KCNAB1: variants seen among roughly 807,000 people sequenced by gnomAD.
KCNAB1 encodes the protein voltage-gated potassium channel subunit beta-1.
A neutral mutation model predicts 64.6 loss-of-function variants in KCNAB1; 35 were observed. The ratio of observed to expected loss-of-function variants is 0.54; its 90% confidence interval spans 0.41 to 0.72. The LOEUF is 0.72. Among genes scored for constraint, KCNAB1 ranks in the 30% least tolerant of loss-of-function variants. KCNAB1 has a pLI of 0.00. For synonymous variants in KCNAB1, 177 were observed against 183.8 expected (o/e 0.96, Z 0.30); for missense variants, 401 against 512.9 (o/e 0.78, Z 2.11).
At chr3:156,220,167 G>A (rs575804497) in intron 1 of KCNAB1, among the ~76,000 whole-genome samples, 4 of 152,184 alleles carry the variant, frequency 2.6e-5, no homozygotes, top group East Asian at 1.9e-4. Flanking sequence ...GAATAGTGCC[G>A]TAATAAATAT....
intron 1 of KCNAB1, among the ~76,000 whole-genome samples, chr3:156,148,920 TTA>T (rs1438079434): frequency 3.9e-5 from 6 of 152,226 alleles, no homozygotes; most frequent in African/African-American, 1.4e-4. Flanking sequence ...TTCTTTCTTT[TTA>T]TCTCACACAT....
chr3:156,487,519 A>G (rs565005595), intron 8 of KCNAB1, among the ~76,000 whole-genome samples: 3 of 152,320 alleles, frequency 2.0e-5, no homozygotes, highest in African/African-American at 7.2e-5. Context: ...AGCTCCAGTG[A>G]AGCCAATCAT....
intron 1 of KCNAB1, among the ~76,000 whole-genome samples, chr3:156,368,203 C>T (rs1726070172): frequency 1.3e-5 from 2 of 152,056 alleles, no homozygotes; most frequent in South Asian, 4.1e-4. Context: ...AAAATGTATC[C>T]GTGATTGATC....
At chr3:156,336,804 GTTGA>G (rs1328939551) in intron 1 of KCNAB1, among the ~76,000 whole-genome samples, 2 of 152,252 alleles carry the variant, frequency 1.3e-5, no homozygotes, top group African/African-American at 4.8e-5. Context: ...AGTTTGGTGA[GTTGA>G]TACATCACAG....
At chr3:156,502,532 C>CACACA (rs1716517378) in intron 8 of KCNAB1, among the ~76,000 whole-genome samples, 20 of 142,810 alleles carry the variant, frequency 1.4e-4, no homozygotes, top group African/African-American at 5.1e-4. Context: ...TACCTTACAA[C>CACACA]CACACACACA....
intron 1 of KCNAB1, among the ~76,000 whole-genome samples, chr3:156,362,132 T>C (rs1426290878): frequency 1.3e-5 from 2 of 152,214 alleles, no homozygotes; most frequent in African/African-American, 4.8e-5. Context: ...TATCAACATC[T>C]ATATGCACAT....
At chr3:156,464,127 A>T (rs1713158020) in intron 6 of KCNAB1, among the ~76,000 whole-genome samples, 1 of 152,242 alleles carries the variant, frequency 6.6e-6, no homozygotes, top group African/African-American at 2.4e-5. Flanking sequence ...TACAGAATGC[A>T]AAGATAAAAA....
chr3:156,440,032 A>G (rs778548667), intron 2 of KCNAB1, among the ~76,000 whole-genome samples: 5 of 152,230 alleles, frequency 3.3e-5, no homozygotes, highest in Non-Finnish European at 7.3e-5. Flanking sequence ...ACATGAATAC[A>G]TTGGACATTA....
At chr3:156,234,826 G>T (rs1324258970) in intron 1 of KCNAB1, among the ~76,000 whole-genome samples, 1 of 152,182 alleles carries the variant, frequency 6.6e-6, no homozygotes, top group Non-Finnish European at 1.5e-5. Context: ...CCTGAAAATA[G>T]ACTCCTGATA....
In KCNAB1 at chr3:156,538,287, A is replaced by ATAT. The variant is rs1459633132; in HGVS notation, c.*1545_*1547dup. ...CTCTGAGGTTTACAGAAGAACTGTAATATTATTTTAAAATGCGATTTTTCT... is the reference window on the plus strand; with the variant it reads ...CTCTGAGGTTTACAGAAGAACTGTAATATTATTATTTTAAAATGCGATTTTTCT... On this transcript the variant is annotated 3_prime_UTR_variant, in exon 14 of 14. Coordinates refer to ENST00000490337, the MANE Select transcript of KCNAB1 (RefSeq NM_172160.3). 4.7e-5 allele frequency: 5 copies of ATAT among 106,088 alleles called. No individual in the cohort carries two copies. The highest frequency in any genetic ancestry group is 2.2e-4 in the Admixed American group (2 of 9,282). 6.6% of individuals were successfully genotyped at this position (106,088 alleles called of 1,614,324 possible).
intron 1 of KCNAB1, among the ~76,000 whole-genome samples, chr3:156,421,210 C>G (rs1715444592): frequency 6.6e-6 from 1 of 152,040 alleles, no homozygotes; most frequent in Non-Finnish European, 1.5e-5. Flanking sequence ...TAAGTCTAGA[C>G]CAGGATGGTA....
intron 1 of KCNAB1, among the ~76,000 whole-genome samples, chr3:156,409,020 G>T (rs772979475): frequency 6.6e-6 from 1 of 152,110 alleles, no homozygotes; most frequent in African/African-American, 2.4e-5. Context: ...AAAATTAGGC[G>T]TAATTGGAGT....
chr3:156,285,325 C>T (rs1720038386), intron 1 of KCNAB1, among the ~76,000 whole-genome samples: 1 of 152,058 alleles, frequency 6.6e-6, no homozygotes, highest in Non-Finnish European at 1.5e-5. Context: ...TAACATAAGA[C>T]AATGGCAAAA....
At chr3:156,356,923 G>C (rs541778259) in intron 1 of KCNAB1, among the ~76,000 whole-genome samples, 8 of 152,308 alleles carry the variant, frequency 5.3e-5, no homozygotes, top group Admixed American at 3.3e-4. Flanking sequence ...ACTCTAGTTG[G>C]CTCTGTCTTT....
chr3:156,454,792 A>G (rs1240726905), intron 3 of KCNAB1, among the ~76,000 whole-genome samples: 1 of 152,104 alleles, frequency 6.6e-6, no homozygotes, highest in African/African-American at 2.4e-5. Flanking sequence ...AAAGACAGAA[A>G]TATCTTCCCT....
At chr3:156,536,559 GAT>G (rs1379937780) in intron 13 of KCNAB1, 97 bp from the exon 14 acceptor site, 15 of 817,410 alleles carry the variant, frequency 1.8e-5, no homozygotes, top group South Asian at 2.9e-5. Flanking sequence ...GGTTTATGAA[GAT>G]ATATGATTCT....
downstream of KCNAB1, chr3:156,539,138 TG>T (rs1295296139): frequency 6.6e-6 from 1 of 152,208 alleles, no homozygotes; most frequent in Non-Finnish European, 1.5e-5. Flanking sequence ...AAAGGTAACC[TG>T]GGTACCAGCC....
At chr3:156,470,765 T>C (rs1713825183) in intron 7 of KCNAB1, among the ~76,000 whole-genome samples, 1 of 152,218 alleles carries the variant, frequency 6.6e-6, no homozygotes, top group Admixed American at 6.5e-5. Flanking sequence ...TAATAACAAA[T>C]CTTAAACTCT....
intron 1 of KCNAB1, among the ~76,000 whole-genome samples, chr3:156,209,573 A>C (rs1185388041): frequency 6.6e-6 from 1 of 152,252 alleles, no homozygotes; most frequent in Non-Finnish European, 1.5e-5. Flanking sequence ...TATAGACTGC[A>C]TGCATTTCAG....
Sources: allele counts gnomAD v4.1 joint callset (sites outside exome capture counted in the v4.1 genomes callset), GRCh38; gene constraint gnomAD v4.1.1; transcripts MANE v1.5; gene names NCBI Gene and HGNC (gene_info 2026-07-23, HGNC 2026-07-21).